Variants in SPAG16 observed in about 807,000 individuals in gnomAD.
SPAG16 encodes sperm-associated antigen 16 protein.
In SPAG16, 86 loss-of-function variants were observed where a neutral mutation model predicts 80.4. The observed-to-expected ratio is 1.07, with a 90% confidence interval of 0.90 to 1.28. The LOEUF (loss-of-function observed/expected upper bound fraction) is 1.28. SPAG16 is among the 50% of genes most tolerant of loss of function. The pLI is 0.00. For missense variants in SPAG16, 870 were observed against 765.3 expected, an observed-to-expected ratio of 1.14 and a Z score of -1.61; for synonymous variants, 294 against 265.9, an observed-to-expected ratio of 1.11 and a Z score of -1.03.
At chr2:214,078,678 T>C (rs2051208617) in intron 13 of SPAG16, among the ~76,000 whole-genome samples, 1 of 152,196 alleles carries the variant, frequency 6.6e-6, no homozygotes, top group Admixed American at 6.5e-5. Context: ...AAATATAGTA[T>C]ATTTCTGTGA....
chr2:213,286,818 C>G (rs2062072538), intron 1 of SPAG16, among the ~76,000 whole-genome samples: 1 of 152,192 alleles, frequency 6.6e-6, no homozygotes, highest in Admixed American at 6.5e-5. Flanking sequence ...CACTTTTCTG[C>G]TTTTAAATAC....
In SPAG16 at chr2:214,195,256, G is replaced by A. The variant is rs558181603; in HGVS notation, c.1720+45990G>A. Among the ~76,000 whole-genome samples the A allele has an allele frequency of 8.1e-5, 12 of 148,612 alleles. No homozygotes were observed. The South Asian group carries it at 2.1e-3, about 26-fold the overall frequency. On this transcript the variant is annotated intron_variant, in intron 15 of 15. Coordinates refer to ENST00000331683, the MANE Select transcript of SPAG16 (RefSeq NM_024532.5). ...TTAAAAATGTAGGAAAAGGCAGAGT[G>A]ACCAGGGGAAGATACTGAGTTCAAA...
chr2:213,948,720 A>T (rs900141307), intron 12 of SPAG16, among the ~76,000 whole-genome samples: 5 of 152,118 alleles, frequency 3.3e-5, no homozygotes, highest in Middle Eastern at 3.2e-3. Context: ...CCCTAATCTG[A>T]TGCCATATTA....
chr2:213,772,243 T>C (rs1179760655), intron 10 of SPAG16, among the ~76,000 whole-genome samples: 1 of 152,258 alleles, frequency 6.6e-6, no homozygotes, highest in East Asian at 1.9e-4. Context: ...GCTCTCTGCT[T>C]GTCTATTGTT....
chr2:213,417,744 T>G (rs963707484), intron 9 of SPAG16, among the ~76,000 whole-genome samples: 1 of 152,194 alleles, frequency 6.6e-6, no homozygotes, highest in Admixed American at 6.5e-5. Flanking sequence ...GAAACTTACC[T>G]TTTTACTTAT....
chr2:214,174,005 G>A (rs1212123042), intron 15 of SPAG16, among the ~76,000 whole-genome samples: 6 of 151,890 alleles, frequency 4.0e-5, no homozygotes, highest in Non-Finnish European at 1.5e-5. Context: ...TGCAGAAAAG[G>A]CCTTTGACAA....
intron 12 of SPAG16, among the ~76,000 whole-genome samples, chr2:214,004,563 C>T (rs2046941496): frequency 6.6e-6 from 1 of 151,994 alleles, no homozygotes; most frequent in Admixed American, 6.6e-5. Flanking sequence ...AAAAAGGTGT[C>T]GGGGCTTATC....
chr2:213,464,789 T>G (rs1266238910), intron 9 of SPAG16, among the ~76,000 whole-genome samples: 1 of 152,256 alleles, frequency 6.6e-6, no homozygotes. Context: ...GTAGGTTTTA[T>G]CCTTTCCTAC....
intron 8 of SPAG16, among the ~76,000 whole-genome samples, chr2:213,372,656 C>T (rs1158669750): frequency 6.6e-6 from 1 of 151,974 alleles, no homozygotes; most frequent in African/African-American, 2.4e-5. Context: ...TAGATCTAAC[C>T]AATCTCCTCA....
rs566964217 is a variant in SPAG16 at position 213,391,968 on chromosome 2, G to C, written c.942+16849G>C. Among the ~76,000 whole-genome samples the C allele has an allele frequency of 2.6e-4, 39 of 152,234 alleles. No homozygotes were observed. The South Asian group carries it at 7.7e-3, about 30-fold the overall frequency. On this transcript the variant is annotated intron_variant, in intron 9 of 15. Coordinates refer to ENST00000331683, the MANE Select transcript of SPAG16 (RefSeq NM_024532.5). ...CTGTTACATATTTAAAAGTGCTTCT[G>C]TGCTCATAAAACCTGTACACAACTC...
At chr2:214,318,455 C>T (rs898379716) in intron 15 of SPAG16, among the ~76,000 whole-genome samples, 5 of 142,678 alleles carry the variant, frequency 3.5e-5, no homozygotes, top group East Asian at 2.1e-4. Context: ...GATCTCAGCT[C>T]GCTGCAACCT....
intron 10 of SPAG16, among the ~76,000 whole-genome samples, chr2:213,609,975 C>T (rs1344811602): frequency 6.6e-6 from 1 of 151,978 alleles, no homozygotes; most frequent in African/African-American, 2.4e-5. Context: ...TTAGTCAGGC[C>T]AGGTCATGGT....
intron 13 of SPAG16, among the ~76,000 whole-genome samples, chr2:214,076,710 T>C (rs1437192670): frequency 2.6e-5 from 4 of 152,160 alleles, no homozygotes; most frequent in African/African-American, 4.8e-5. Flanking sequence ...AGAATGTGCC[T>C]TGGGCTGTGA....
intron 13 of SPAG16, among the ~76,000 whole-genome samples, chr2:214,083,758 C>T (rs1301041884): frequency 6.6e-6 from 1 of 152,060 alleles, no homozygotes; most frequent in Non-Finnish European, 1.5e-5. Context: ...ATGAGGCTGA[C>T]GTTTGGTATA....
At chr2:214,174,782 C>T (rs1271739673) in intron 15 of SPAG16, among the ~76,000 whole-genome samples, 1 of 151,618 alleles carries the variant, frequency 6.6e-6, no homozygotes, top group Non-Finnish European at 1.5e-5. Context: ...AACATCTAGC[C>T]AGTGGACAGG....
chr2:213,439,935 A>G (rs759374062), intron 9 of SPAG16, among the ~76,000 whole-genome samples: 4 of 152,252 alleles, frequency 2.6e-5, no homozygotes, highest in Non-Finnish European at 4.4e-5. Context: ...AATAAAAAGT[A>G]TACAATACCT....
At chr2:214,105,024 C>A (rs2053307716) in intron 13 of SPAG16, among the ~76,000 whole-genome samples, 1 of 152,060 alleles carries the variant, frequency 6.6e-6, no homozygotes, top group Non-Finnish European at 1.5e-5. Flanking sequence ...CGGGAGGTAG[C>A]AGAAGTGGCA....
intron 5 of SPAG16, among the ~76,000 whole-genome samples, chr2:213,331,277 T>C (rs1270027925): frequency 2.0e-5 from 3 of 152,166 alleles, no homozygotes; most frequent in East Asian, 1.9e-4. Flanking sequence ...CTAGACACTT[T>C]CTGGGCTAAA....
intron 9 of SPAG16, among the ~76,000 whole-genome samples, chr2:213,379,617 G>T (rs1559473903): frequency 6.6e-6 from 1 of 152,184 alleles, no homozygotes; most frequent in Non-Finnish European, 1.5e-5. Context: ...TCCAGAGTAA[G>T]TGTCTATTCC....
Sources: allele counts gnomAD v4.1 joint callset (sites outside exome capture counted in the v4.1 genomes callset), GRCh38; gene constraint gnomAD v4.1.1; transcripts MANE v1.5; gene names NCBI Gene and HGNC (gene_info 2026-07-23, HGNC 2026-07-21).